The following CDH4 variants were observed in gnomAD, a reference collection of about 807,000 sequenced individuals.
The protein encoded by CDH4 is cadherin 4.
Under a neutral mutation model 86.0 loss-of-function variants are expected in CDH4, and 33 were observed. The observed-to-expected ratio is 0.38, with a 90% confidence interval of 0.29 to 0.51. The LOEUF is 0.51. Among genes scored for constraint, CDH4 ranks in the 20% least tolerant of loss-of-function variants. The pLI is 0.86. For missense variants in CDH4, 1,114 were observed against 1,307.4 expected (o/e 0.85, Z 2.28); for synonymous variants, 555 against 549.4 (o/e 1.01, Z -0.14).
At chr20:61,484,881 C>T (rs2085587612) in intron 2 of CDH4, among the ~76,000 whole-genome samples, 1 of 152,216 alleles carries the variant, frequency 6.6e-6, no homozygotes, top group African/African-American at 2.4e-5. Context: ...GGGCCAAACC[C>T]TGTTTCCATC....
chr20:61,322,693 A>G (rs907328402), intron 2 of CDH4, among the ~76,000 whole-genome samples: 12 of 152,068 alleles, frequency 7.9e-5, no homozygotes, highest in African/African-American at 2.9e-4. Context: ...ACTTCATCCA[A>G]CGCTGAGACG....
chr20:61,901,202 A>AGGAGCG (rs1985384219), intron 8 of CDH4, among the ~76,000 whole-genome samples: 1 of 123,082 alleles, frequency 8.1e-6, no homozygotes, highest in Non-Finnish European at 1.8e-5. Flanking sequence ...TGCAGTGAGC[A>AGGAGCG]GGAGCAGGAG....
intron 2 of CDH4, among the ~76,000 whole-genome samples, chr20:61,296,612 G>A (rs567334910): frequency 1.3e-5 from 2 of 152,098 alleles, no homozygotes; most frequent in South Asian, 2.1e-4. Flanking sequence ...AAATGTTATC[G>A]ATACAATTAG....
chr20:61,266,762 C>T (rs1290846473), intron 2 of CDH4, among the ~76,000 whole-genome samples: 4 of 152,052 alleles, frequency 2.6e-5, no homozygotes, highest in Non-Finnish European at 1.5e-5. Flanking sequence ...TTGCTAAACT[C>T]GCCAGCCCCG....
At chr20:61,765,974 C>T (rs2022038) in intron 3 of CDH4, among the ~76,000 whole-genome samples, 44,222 of 151,850 alleles carry the variant, frequency 0.29, 7,157 homozygotes, top group East Asian at 0.48. Flanking sequence ...CCCACCCCCG[C>T]GCCTCTGGGA....
chr20:61,874,017 C>T, intron 7 of CDH4, 117 bp downstream of exon 7: 1 of 1,062,844 alleles, frequency 9.4e-7, no homozygotes. Flanking sequence ...GACAGTCTCC[C>T]CAGTGGCACT....
chr20:61,479,850 C>T lies in CDH4; in HGVS notation c.169+224913C>T, dbSNP rs551546586. 3.9e-5 allele frequency among the ~76,000 whole-genome samples: 6 copies of T among 152,246 alleles called. No individual in the cohort carries two copies. The South Asian group carries it at 1.2e-3, about 32-fold the overall frequency. ...TGTGTAACAGGCTACTCAGGGTCGC[C>T]CCATAGCTCGCTGATTCTGGCCATT... On this transcript the variant is annotated intron_variant, in intron 2 of 15. Coordinates refer to ENST00000614565, the MANE Select transcript of CDH4 (RefSeq NM_001794.5).
In CDH4 at chr20:61,803,390, T is replaced by C. The variant is rs1979941842; in HGVS notation, c.576+30208T>C. Among the ~76,000 whole-genome samples, 3 of 152,356 alleles carry C rather than the reference T, an allele frequency of 2.0e-5. No homozygotes were observed. In the South Asian group the frequency reaches 6.2e-4, roughly 32 times the overall value. ...CCTAATACCAAGAGACGGGCGGTAT[T>C]TAAATTTAAGTCTGGCTCCCAAATG... On this transcript the variant is annotated intron_variant, in intron 4 of 15. Coordinates refer to ENST00000614565, the MANE Select transcript of CDH4 (RefSeq NM_001794.5).
At chr20:61,305,469 G>A (rs1412769006) in intron 2 of CDH4, among the ~76,000 whole-genome samples, 1 of 152,252 alleles carries the variant, frequency 6.6e-6, no homozygotes, top group Non-Finnish European at 1.5e-5. Context: ...TGCTGCTGGT[G>A]TGGGGACCAC....
At chr20:61,914,603 GCC>G (rs3079268) in intron 9 of CDH4, among the ~76,000 whole-genome samples, 109,311 of 150,084 alleles carry the variant, frequency 0.73, 42,703 homozygotes, top group Non-Finnish European at 0.88. Context: ...CATCCCTCAG[GCC>G]TGGGAGGCTT....
At chr20:61,861,210 T>C (rs1164232313) in intron 6 of CDH4, among the ~76,000 whole-genome samples, 1 of 152,126 alleles carries the variant, frequency 6.6e-6, no homozygotes, top group Non-Finnish European at 1.5e-5. Context: ...TGAGGCCTAG[T>C]GAGGTTCCAC....
At chr20:61,639,707 G>T (rs959670239) in intron 2 of CDH4, among the ~76,000 whole-genome samples, 1 of 151,984 alleles carries the variant, frequency 6.6e-6, no homozygotes, top group Non-Finnish European at 1.5e-5. Context: ...GTCTCCTCTG[G>T]CTATTTATAT....
At chr20:61,443,845 A>T in intron 2 of CDH4, among the ~76,000 whole-genome samples, 2 of 143,710 alleles carry the variant, frequency 1.4e-5, no homozygotes. Context: ...TGTGTGTGTG[A>T]TTGTGTGTAT....
At position 61,936,969 on chromosome 20, in the gene CDH4, T is replaced by TC; in HGVS notation, c.*26_*27insC. 6.5e-7 allele frequency: 1 copy of TC among 1,538,758 alleles called. No homozygotes were observed. On this transcript the variant is annotated 3_prime_UTR_variant, in exon 16 of 16. Coordinates refer to ENST00000614565, the MANE Select transcript of CDH4 (RefSeq NM_001794.5). ...CTGACCTCGCATCTTCGGACCGAAG[T>TC]GAGAGCCGTGCTCGGACGCCGGAGG...
At chr20:61,587,402 C>T (rs1310256402) in intron 2 of CDH4, among the ~76,000 whole-genome samples, 1 of 152,180 alleles carries the variant, frequency 6.6e-6, no homozygotes, top group African/African-American at 2.4e-5. Context: ...ACAGCAGGGG[C>T]ACAGCCTGCT....
rs569335395 is a variant in CDH4, at chr20:61,407,832, A to G, written c.169+152895A>G. Among the ~76,000 whole-genome samples the G allele has an allele frequency of 2.2e-4, 33 of 152,308 alleles. No homozygotes were observed. In the South Asian group the frequency reaches 2.7e-3, roughly 12 times the overall value. ...AGTGACTGTCATGTCATTACATTAC[A>G]TGGAGCGAAGGAAGCCAGGCACAAG... On this transcript the variant is annotated intron_variant, in intron 2 of 15. Transcript: ENST00000614565.
At chr20:61,466,022 C>T (rs2085469843) in intron 2 of CDH4, among the ~76,000 whole-genome samples, 1 of 152,112 alleles carries the variant, frequency 6.6e-6, no homozygotes, top group Admixed American at 6.5e-5. Context: ...TCCTCTTGGA[C>T]ATTCTTTAAT....
At chr20:61,905,671 AG>A in intron 8 of CDH4, among the ~76,000 whole-genome samples, 1 of 152,294 alleles carries the variant, frequency 6.6e-6, no homozygotes, top group East Asian at 1.9e-4. Flanking sequence ...GCAGTTTGCC[AG>A]GATCAGGCCC....
At chr20:61,700,822 G>A (rs938419169) in intron 2 of CDH4, among the ~76,000 whole-genome samples, 2 of 152,248 alleles carry the variant, frequency 1.3e-5, no homozygotes, top group Non-Finnish European at 2.9e-5. Flanking sequence ...GGCTCAGCGG[G>A]TGAGTGCCAC....
Sources: gnomAD v4.1 joint callset for allele counts (sites outside exome capture counted in the v4.1 genomes callset) on GRCh38, gnomAD v4.1.1 for gene constraint, MANE v1.5 for transcripts, NCBI Gene and HGNC (gene_info 2026-07-23, HGNC 2026-07-21) for gene names.